Variants in B3GNT3 observed in about 807,000 individuals in gnomAD.
B3GNT3 encodes N-acetyllactosaminide beta-1,3-N-acetylglucosaminyltransferase 3.
A neutral mutation model predicts 11.6 loss-of-function variants in B3GNT3; 7 were observed. The ratio of observed to expected loss-of-function variants is 0.60; its 90% CI spans 0.34 to 1.13. The LOEUF is 1.13. Ranked by LOEUF, B3GNT3 falls within the 50% of genes most tolerant of loss-of-function variation. B3GNT3 has a pLI of 0.03. For missense variants in B3GNT3, 400 were observed against 507.4 expected (o/e 0.79, Z 2.03); for synonymous variants, 201 against 222.1 (o/e 0.90, Z 0.85).
intron 2 of B3GNT3, among the ~76,000 whole-genome samples, chr19:17,810,363 T>C (rs1390588286): frequency 1.3e-5 from 2 of 151,902 alleles, no homozygotes; most frequent in African/African-American, 4.8e-5. Flanking sequence ...TGAGTTAAGA[T>C]TGTGCCACTG....
At chr19:17,804,240 CTTTT>C (rs773524591) in intron 1 of B3GNT3, among the ~76,000 whole-genome samples, 1 of 112,186 alleles carries the variant, frequency 8.9e-6, no homozygotes, top group Non-Finnish European at 1.8e-5. Context: ...TCTTTTTTTT[CTTTT>C]TTTTTTTTTT....
At chr19:17,799,510 C>T (rs980877700) in intron 1 of B3GNT3, among the ~76,000 whole-genome samples, 6 of 151,888 alleles carry the variant, frequency 4.0e-5, no homozygotes, top group Non-Finnish European at 5.9e-5. Context: ...CCTCATGATT[C>T]GCCCGCCTCT....
At chr19:17,809,011 T>C (rs951547352) in intron 2 of B3GNT3, among the ~76,000 whole-genome samples, 8 of 152,178 alleles carry the variant, frequency 5.3e-5, no homozygotes, top group African/African-American at 1.9e-4. Context: ...TTTTTGTATT[T>C]TGAGTAGAGA....
chr19:17,805,505 G>C (rs954445157), intron 1 of B3GNT3, among the ~76,000 whole-genome samples: 15 of 152,068 alleles, frequency 9.9e-5, no homozygotes, highest in African/African-American at 3.1e-4. Context: ...ATTCTTTCTG[G>C]CGTGCCCATT....
At chr19:17,807,634 A>T in intron 1 of B3GNT3, 124 bp from the exon 2 acceptor site, 2 of 629,932 alleles carry the variant, frequency 3.2e-6, no homozygotes, top group Non-Finnish European at 5.4e-6. Flanking sequence ...TGGAGGAGTT[A>T]AGTGGGGGGT....
At chr19:17,800,812 C>T (rs1276956024) in intron 1 of B3GNT3, among the ~76,000 whole-genome samples, 1 of 151,830 alleles carries the variant, frequency 6.6e-6, no homozygotes, top group Non-Finnish European at 1.5e-5. Flanking sequence ...ACTAAAAATA[C>T]AAAAATTAGC....
chr19:17,803,853 T>TAA (rs11318875), intron 1 of B3GNT3, among the ~76,000 whole-genome samples: 11 of 140,524 alleles, frequency 7.8e-5, no homozygotes, highest in Admixed American at 5.8e-4. Context: ...ATCCTATCAC[T>TAA]AAAAAAAAAA....
Position 17,807,960 on chromosome 19 carries a change from T to TCCCGGCCCC in B3GNT3, c.155_156insCGGCCCCCC (p.Pro52_Pro53insGlyProPro). ...TCCCCGAGGCCCTGGCCTGGCCCACTCCACCCACCCGCCCAGCCCCGGCCC... is the reference window on the plus strand; with the variant it reads ...TCCCCGAGGCCCTGGCCTGGCCCACTCCCGGCCCCCCACCCACCCGCCCAGCCCCGGCCC... On this transcript the variant is annotated inframe_insertion, in exon 2 of 3. Transcript: ENST00000318683. 7 of 1,609,530 alleles carry TCCCGGCCCC rather than the reference T, an allele frequency of 4.3e-6. No individual in the cohort carries two copies. Among genetic ancestry groups the TCCCGGCCCC allele is most frequent in the Non-Finnish European group, 5.9e-6 (7 of 1,178,114 alleles).
chr19:17,799,269 CTT>C (rs35086710), intron 1 of B3GNT3, among the ~76,000 whole-genome samples: 14 of 117,238 alleles, frequency 1.2e-4, no homozygotes, highest in African/African-American at 3.2e-4. Flanking sequence ...ACCATTCCAG[CTT>C]TTTTTTTTTT....
At chr19:17,803,545 G>A (rs1380735813) in intron 1 of B3GNT3, among the ~76,000 whole-genome samples, 3 of 152,198 alleles carry the variant, frequency 2.0e-5, no homozygotes, top group East Asian at 1.9e-4. Flanking sequence ...GTCTGGCAGC[G>A]GGCGGCCAGG....
chr19:17,806,009 C>A (rs904446475), intron 1 of B3GNT3, among the ~76,000 whole-genome samples: 36 of 152,204 alleles, frequency 2.4e-4, no homozygotes, highest in African/African-American at 8.7e-4. Context: ...TCTCTGTCAT[C>A]CAGGCTGGAG....
At chr19:17,795,783 C>T (rs1300868270) in intron 1 of B3GNT3, among the ~76,000 whole-genome samples, 1 of 152,096 alleles carries the variant, frequency 6.6e-6, no homozygotes, top group Non-Finnish European at 1.5e-5. Context: ...ATGAGGATGC[C>T]CGAAGCGTTT....
intron 1 of B3GNT3, among the ~76,000 whole-genome samples, chr19:17,806,214 C>T (rs2036751351): frequency 6.6e-6 from 1 of 151,548 alleles, no homozygotes; most frequent in African/African-American, 2.4e-5. Context: ...CTCCTGACCT[C>T]AAGTAATCCA....
chr19:17,796,674 C>T (rs1308686112), intron 1 of B3GNT3, among the ~76,000 whole-genome samples: 1 of 152,184 alleles, frequency 6.6e-6, no homozygotes, highest in Non-Finnish European at 1.5e-5. Context: ...CTCAGTCCAG[C>T]CTGGACACCC....
intron 1 of B3GNT3, among the ~76,000 whole-genome samples, chr19:17,804,533 C>CCTA (rs987013912): frequency 1.8e-5 from 1 of 57,016 alleles, no homozygotes; most frequent in African/African-American, 8.3e-5. Context: ...CCGTGCCCAG[C>CCTA]TTTTTTTTTT....
chr19:17,809,022 CG>C (rs2147653991), intron 2 of B3GNT3, among the ~76,000 whole-genome samples: 1 of 152,062 alleles, frequency 6.6e-6, no homozygotes, highest in South Asian at 2.1e-4. Flanking sequence ...TGAGTAGAGA[CG>C]GGGTTTCACC....
chr19:17,807,777 T>A lies in B3GNT3; in HGVS notation c.-31T>A. On this transcript the variant is annotated 5_prime_UTR_variant, in exon 2 of 3. Transcript: ENST00000318683. Reference sequence around the variant, plus strand: ...CCACAGGAGCCGCCCAGGAGGCTCCTCAGGCCGACCCCAGACCCTGGCTGG... The same window carrying A: ...CCACAGGAGCCGCCCAGGAGGCTCCACAGGCCGACCCCAGACCCTGGCTGG... The A allele has an allele frequency of 6.3e-7, 1 of 1,582,344 alleles. No individual in the cohort carries two copies. The highest frequency in any genetic ancestry group is 2.3e-5 in the East Asian group (1 of 44,324).
intron 1 of B3GNT3, among the ~76,000 whole-genome samples, chr19:17,799,830 A>G (rs36689): frequency 0.66 from 99,663 of 151,822 alleles, 34,050 homozygotes; most frequent in African/African-American, 0.82. Flanking sequence ...CCTGAAGAGC[A>G]ATCCAGAAGT....
intron 1 of B3GNT3, among the ~76,000 whole-genome samples, chr19:17,796,307 G>T (rs2094159456): frequency 6.6e-6 from 1 of 152,126 alleles, no homozygotes; most frequent in Non-Finnish European, 1.5e-5. Flanking sequence ...TGTCCAGGCT[G>T]GTCTCAAACT....
Sources: gnomAD v4.1 joint callset for allele counts (sites outside exome capture counted in the v4.1 genomes callset) on GRCh38, gnomAD v4.1.1 for gene constraint, MANE v1.5 for transcripts, NCBI Gene and HGNC (gene_info 2026-07-23, HGNC 2026-07-21) for gene names.